The following ERICH3 variants were observed in gnomAD, a reference collection of about 807,000 sequenced individuals.
ERICH3 encodes glutamate rich 3.
A neutral mutation model predicts 131.1 loss-of-function variants in ERICH3; 126 were observed. The observed-to-expected ratio is 0.96, with a 90% CI of 0.83 to 1.11. The LOEUF is 1.11. Ranked by LOEUF, ERICH3 falls within the 50% of genes most tolerant of loss-of-function variation. The pLI, the probability that ERICH3 is intolerant of heterozygous loss-of-function variation, is 0.00. For synonymous variants in ERICH3, 695 were observed against 644.6 expected (o/e 1.08, Z -1.18); for missense variants, 2,050 against 1,810.7 (o/e 1.13, Z -2.40).
intron 7 of ERICH3, among the ~76,000 whole-genome samples, chr1:74,631,159 GAA>G (rs1376460475): frequency 1.3e-5 from 2 of 152,072 alleles, no homozygotes; most frequent in African/African-American, 4.8e-5. Context: ...TAATAAAAAT[GAA>G]GAGATATTTT....
At chr1:74,639,959 A>G (rs192935969) in intron 5 of ERICH3, among the ~76,000 whole-genome samples, 1 of 152,192 alleles carries the variant, frequency 6.6e-6, no homozygotes, top group African/African-American at 2.4e-5. Context: ...TTTAATTCCA[A>G]GATCACAATA....
rs751951306 is a variant in ERICH3, at chr1:74,571,090, T to C, written c.*18+9A>G. The C allele has an allele frequency of 6.3e-7, 1 of 1,598,686 alleles. No homozygotes were observed. The highest frequency in any genetic ancestry group is 1.7e-4 in the Middle Eastern group (1 of 5,988). ...TTTAGTCCTACAAAGACATTACGCT[T>C]AAACTCACTGTCTGCCAGCAAGTCT... On this transcript the variant is annotated intron_variant, in intron 14 of 14. Coordinates refer to ENST00000326665, the MANE Select transcript of ERICH3 (RefSeq NM_001002912.5).
chr1:74,597,427 A>T (rs1647907103), intron 11 of ERICH3, among the ~76,000 whole-genome samples: 1 of 152,100 alleles, frequency 6.6e-6, no homozygotes, highest in African/African-American at 2.4e-5. Context: ...CATTAATGAA[A>T]CAACAAAAGA....
rs772845423 is a variant in ERICH3, at chr1:74,572,679, C to T, written c.3031G>A (p.Gly1011Ser). 63 of 1,613,618 alleles carry T rather than the reference C, an allele frequency of 3.9e-5. No individual in the cohort carries two copies. In the East Asian group the frequency reaches 1.3e-3, roughly 34 times the overall value. Residue 1011 changes from glycine to serine, a missense_variant, in exon 14 of 15, where the codon GGC (glycine) becomes AGC (serine). By Grantham distance (56) the Gly-to-Ser change is moderately conservative. Coordinates refer to ENST00000326665, the MANE Select transcript of ERICH3 (RefSeq NM_001002912.5). The part of the protein sequence containing the change: ...AEASRMQVSE[G>S]SPEEGSLAKE... ...GCAAGGCTTCCTTCCTCAGGGCTGC[C>T]CTCCGAAACCTGCATCCGGCTTGCC...
At chr1:74,608,707 T>C (rs925220773) in intron 9 of ERICH3, among the ~76,000 whole-genome samples, 4 of 152,100 alleles carry the variant, frequency 2.6e-5, no homozygotes, top group African/African-American at 9.7e-5. Flanking sequence ...AATGAGATTA[T>C]ACTTATCTCA....
intron 11 of ERICH3, among the ~76,000 whole-genome samples, chr1:74,598,285 C>T (rs1647951313): frequency 6.6e-6 from 1 of 151,718 alleles, no homozygotes; most frequent in African/African-American, 2.4e-5. Context: ...TGAAAAGAAT[C>T]TTTACCCCAA....
intron 7 of ERICH3, among the ~76,000 whole-genome samples, chr1:74,629,859 A>G (rs940853104): frequency 1.3e-5 from 2 of 152,190 alleles, no homozygotes; most frequent in African/African-American, 4.8e-5. Context: ...ATAGAACTCT[A>G]AAGAAAAGCA....
In ERICH3 at chr1:74,591,690, C is replaced by T. The variant is rs536666346; in HGVS notation, c.1727-1610G>A. Among the ~76,000 whole-genome samples, 4 of 152,198 alleles carry T rather than the reference C, an allele frequency of 2.6e-5. No homozygotes were observed. The South Asian group carries it at 8.3e-4, about 32-fold the overall frequency. On this transcript the variant is annotated intron_variant, in intron 11 of 14. Transcript: ENST00000326665. Reference sequence around the variant, plus strand: ...TACCTAGAAAGGTTTTAACAATTTCCAGTAAAGTACCATACACACTGAATC... The same window carrying T: ...TACCTAGAAAGGTTTTAACAATTTCTAGTAAAGTACCATACACACTGAATC...
intron 2 of ERICH3, 97 bp from the exon 3 acceptor site, chr1:74,646,889 G>GACAGAC (rs151179245): frequency 3.3e-4 from 82 of 247,774 alleles, no homozygotes; most frequent in Non-Finnish European, 4.9e-4. Flanking sequence ...AAGACAGACA[G>GACAGAC]ACACACACAC....
rs190984920 is a variant in ERICH3, at chr1:74,668,931, G to A, written c.23+4566C>T. ...GTGCAAGTGGGTAACAAACAGACTA[G>A]AATGTTACTGTAGCTATCCAAAGTA... On this transcript the variant is annotated intron_variant, in intron 1 of 14. Coordinates refer to ENST00000326665, the MANE Select transcript of ERICH3 (RefSeq NM_001002912.5). Among the ~76,000 whole-genome samples, 23 of 152,272 alleles carry A rather than the reference G, an allele frequency of 1.5e-4. No homozygotes were observed. In the East Asian group the frequency reaches 3.1e-3, roughly 20 times the overall value.
Position 74,572,021 on chromosome 1 carries a change from G to T in ERICH3, c.3689C>A (p.Pro1230His), listed in dbSNP as rs750419005. 5 of 1,613,996 alleles carry T rather than the reference G, an allele frequency of 3.1e-6. No homozygotes were observed. Residue 1230 changes from proline to histidine, a missense_variant, in exon 14 of 15, where the codon CCT becomes CAT. Coordinates refer to ENST00000326665, the MANE Select transcript of ERICH3 (RefSeq NM_001002912.5). ...EAEPAGKVQA[P>H]EGLIPATGQA... ...GCCTGTGGCTGGGATCAGCCCCTCA[G>T]GGGCCTGCACCTTTCCTGCTGGCTC...
At chr1:74,667,918 C>T (rs930205497) in intron 1 of ERICH3, among the ~76,000 whole-genome samples, 4 of 152,130 alleles carry the variant, frequency 2.6e-5, no homozygotes, top group African/African-American at 9.7e-5. Context: ...TTCCCCCACG[C>T]TGTTCTTGTG....
intron 11 of ERICH3, among the ~76,000 whole-genome samples, chr1:74,597,883 G>A (rs1436284624): frequency 6.6e-6 from 1 of 151,848 alleles, no homozygotes; most frequent in East Asian, 1.9e-4. Context: ...AAACCATGTG[G>A]ATCAGACATT....
chr1:74,664,310 TA>T (rs5775254), intron 1 of ERICH3, among the ~76,000 whole-genome samples: 101,715 of 146,542 alleles, frequency 0.69, 35,545 homozygotes, highest in African/African-American at 0.82. Flanking sequence ...AAAGGAAGAT[TA>T]AAAAAAAAAA....
intron 12 of ERICH3, among the ~76,000 whole-genome samples, chr1:74,577,894 T>C (rs766128253): frequency 2.2e-4 from 33 of 152,360 alleles, no homozygotes; most frequent in Non-Finnish European, 4.6e-4. Context: ...TAGAGCTGAC[T>C]AAACTATGAG....
chr1:74,620,542 C>T (rs951075847), intron 8 of ERICH3, among the ~76,000 whole-genome samples, 192 bp downstream of exon 8: 4 of 152,094 alleles, frequency 2.6e-5, no homozygotes, highest in African/African-American at 9.7e-5. Flanking sequence ...CCACAATCTG[C>T]GAGAGTAATT....
intron 2 of ERICH3, among the ~76,000 whole-genome samples, chr1:74,648,738 A>T (rs1023233769): frequency 1.3e-5 from 2 of 152,172 alleles, no homozygotes; most frequent in African/African-American, 4.8e-5. Flanking sequence ...AACAGTTGTG[A>T]AGCTAATGAA....
chr1:74,646,816 C>A, intron 2 of ERICH3, 24 bp from the exon 3 acceptor site: 1 of 1,318,206 alleles, frequency 7.6e-7, no homozygotes, highest in Non-Finnish European at 1.0e-6. Context: ...ATAAAATATA[C>A]ATAGAAATAT....
chr1:74,608,929 C>G (rs1488489835), intron 9 of ERICH3, among the ~76,000 whole-genome samples: 1 of 151,972 alleles, frequency 6.6e-6, no homozygotes, highest in African/African-American at 2.4e-5. Context: ...GTTGTGGCTG[C>G]GTAAAGGCTT....
Sources: allele counts gnomAD v4.1 joint callset (sites outside exome capture counted in the v4.1 genomes callset), GRCh38; gene constraint gnomAD v4.1.1; transcripts MANE v1.5; gene names NCBI Gene and HGNC (gene_info 2026-07-23, HGNC 2026-07-21).